Variants in IQCB1 observed in about 807,000 individuals in gnomAD.
IQCB1 encodes IQ motif containing B1.
IQCB1 carries 56 observed loss-of-function variants against 84.4 expected under a neutral mutation model. The ratio of observed to expected loss-of-function variants is 0.66; its 90% CI spans 0.54 to 0.83. The LOEUF (loss-of-function observed/expected upper bound fraction) is 0.83, where lower values mean the gene tolerates loss of function less well. IQCB1 is among the 40% of genes least tolerant of loss of function. The pLI is 0.00. For synonymous variants in IQCB1, 210 were observed against 234.8 expected (o/e 0.89, Z 0.96); for missense variants, 629 against 682.1 (o/e 0.92, Z 0.87).
chr3:121,827,135 T>C (rs1182530311), intron 4 of IQCB1, among the ~76,000 whole-genome samples: 6 of 152,040 alleles, frequency 3.9e-5, no homozygotes, highest in Non-Finnish European at 7.4e-5. Context: ...TGAAGGCCAT[T>C]AACCTAAGTG....
intron 7 of IQCB1, among the ~76,000 whole-genome samples, chr3:121,805,371 TCAAAG>T (rs71621666): frequency 0.28 from 42,047 of 151,808 alleles, 6,292 homozygotes; most frequent in Admixed American, 0.43. Context: ...AAAAGAGTCA[TCAAAG>T]CAAATATTCT....
chr3:121,812,867 T>A (rs969550216), intron 5 of IQCB1, among the ~76,000 whole-genome samples: 1 of 151,920 alleles, frequency 6.6e-6, no homozygotes, highest in Non-Finnish European at 1.5e-5. Flanking sequence ...CAGGAGAACA[T>A]CCCCAACCTA....
chr3:121,801,310 T>C (rs1201070413), intron 7 of IQCB1, among the ~76,000 whole-genome samples: 1 of 152,104 alleles, frequency 6.6e-6, no homozygotes, highest in Non-Finnish European at 1.5e-5. Flanking sequence ...GTCCTTGTTT[T>C]TCACAAATAA....
intron 2 of IQCB1, among the ~76,000 whole-genome samples, chr3:121,833,635 C>T (rs1367301085): frequency 2.0e-5 from 3 of 152,082 alleles, no homozygotes; most frequent in Non-Finnish European, 4.4e-5. Context: ...TACATGTGTA[C>T]ACACACACAG....
At position 121,795,482 on chromosome 3, in the gene IQCB1, C is replaced by G; in HGVS notation, c.961G>C (p.Val321Leu). The G allele has an allele frequency of 1.2e-6, 2 of 1,603,340 alleles. No individual in the cohort carries two copies. The highest frequency in any genetic ancestry group is 8.5e-7 in the Non-Finnish European group (1 of 1,171,732). Residue 321 changes from valine (V) to leucine (L), a missense_variant, in exon 10 of 15, where the codon GTG (valine) becomes CTG (leucine). Physicochemically the swap from Val to Leu is conservative, Grantham distance 32. Coordinates refer to ENST00000310864, the MANE Select transcript of IQCB1 (RefSeq NM_001023570.4). ...CTGAAACTCCTCTGCAAAGCAATCA[C>G]AGCAGATGGAAGCTTCTTTAATCTC... ...RKRLKKLPSA[V>L]IALQRSFRSK...
At chr3:121,772,481 C>T (rs1948038322) in intron 14 of IQCB1, 76 bp downstream of exon 14, 11 of 1,473,926 alleles carry the variant, frequency 7.5e-6, no homozygotes, top group Non-Finnish European at 1.0e-5. Context: ...TAATGGTTTC[C>T]TTCTAAAGGT....
intron 10 of IQCB1, among the ~76,000 whole-genome samples, chr3:121,793,272 A>G (rs1316073543): frequency 6.6e-6 from 1 of 152,212 alleles, no homozygotes; most frequent in African/African-American, 2.4e-5. Context: ...TTAAGAGACA[A>G]AGTTTCTGAA....
At chr3:121,825,969 A>C in intron 5 of IQCB1, 82 bp downstream of exon 5, 1 of 1,273,852 alleles carries the variant, frequency 7.9e-7, no homozygotes, top group Non-Finnish European at 1.1e-6. Flanking sequence ...CTTTCAGCCA[A>C]ATATTGCACA....
intron 5 of IQCB1, among the ~76,000 whole-genome samples, 185 bp downstream of exon 5, chr3:121,825,866 A>G (rs941671015): frequency 6.6e-5 from 10 of 152,242 alleles, no homozygotes; most frequent in Non-Finnish European, 1.0e-4. Flanking sequence ...TCAAATGGCA[A>G]GCTTCAGTCA....
intron 7 of IQCB1, among the ~76,000 whole-genome samples, chr3:121,800,449 ATC>A (rs1314736102): frequency 6.6e-6 from 1 of 151,950 alleles, no homozygotes; most frequent in African/African-American, 2.4e-5. Flanking sequence ...AAATGTAAAA[ATC>A]TCTGAGTTGA....
In IQCB1 at chr3:121,828,626, A is replaced by G. The variant is rs1576620146; in HGVS notation, c.107T>C (p.Ile36Thr). ...PVILLKLKEI[I>T]NITPLGSSEL... ...TGAGCTTCCTAAAGGTGTGATGTTT[A>G]TTATTTCTAAGGCAAAAGGAAATAA... The change falls in exon 4 of 15, where the codon ATA (isoleucine) becomes ACA (threonine). Residue 36 changes from isoleucine (I) to threonine (T), a missense_variant. Ile to Thr is a moderately conservative substitution (Grantham distance 89, BLOSUM62 -1). Transcript: ENST00000310864. 2.5e-6 allele frequency: 4 copies of G among 1,592,894 alleles called. No individual in the cohort carries two copies. Among genetic ancestry groups the G allele is most frequent in the African/African-American group, 1.3e-5 (1 of 74,560 alleles).
chr3:121,770,871 T>C (rs902839847), intron 14 of IQCB1, among the ~76,000 whole-genome samples: 1 of 152,154 alleles, frequency 6.6e-6, no homozygotes, highest in African/African-American at 2.4e-5. Context: ...GAGATCTCAC[T>C]ATGCTGCCCA....
At chr3:121,783,014 C>T (rs6438662) in intron 12 of IQCB1, among the ~76,000 whole-genome samples, 97,917 of 152,028 alleles carry the variant, frequency 0.64, 31,995 homozygotes, top group African/African-American at 0.71. Flanking sequence ...CCATGCTCAT[C>T]GGCTGCTTTT....
chr3:121,826,042 AAC>A lies in IQCB1; in HGVS notation c.393+7_393+8del. ...TGATTTAGCTACAAAAGACTAAATAAACACATACCTTAGCTGCATTGATAAAA... is the reference window on the plus strand; with the variant it reads ...TGATTTAGCTACAAAAGACTAAATAAACATACCTTAGCTGCATTGATAAAA... On this transcript the variant is annotated splice_region_variant and intron_variant, in intron 5 of 14. Coordinates refer to ENST00000310864, the MANE Select transcript of IQCB1 (RefSeq NM_001023570.4). 6.2e-7 allele frequency: 1 copy of A among 1,611,000 alleles called. No homozygotes were observed. Among genetic ancestry groups the A allele is most frequent in the Non-Finnish European group, 8.5e-7 (1 of 1,177,412 alleles).
chr3:121,834,221 AG>A (rs1172893133), intron 2 of IQCB1, 169 bp downstream of exon 2: 1 of 152,208 alleles, frequency 6.6e-6, no homozygotes, highest in African/African-American at 2.4e-5. Flanking sequence ...GCAGAAGGTG[AG>A]GGAGTGCAGT....
intron 2 of IQCB1, among the ~76,000 whole-genome samples, chr3:121,829,985 T>A (rs2108646533): frequency 6.6e-6 from 1 of 152,200 alleles, no homozygotes; most frequent in Middle Eastern, 3.4e-3. Flanking sequence ...GGTGGGTGAA[T>A]CACTTGCGGT....
intron 13 of IQCB1, among the ~76,000 whole-genome samples, chr3:121,780,883 T>A (rs4622939): frequency 0.65 from 96,107 of 148,786 alleles, 31,331 homozygotes; most frequent in East Asian, 0.85. Context: ...TGTGTGTGTG[T>A]GAGAGAGAGA....
Position 121,788,312 on chromosome 3 carries a change from T to A in IQCB1, c.1250A>T (p.Tyr417Phe), listed in dbSNP as rs777697438. The change falls in exon 12 of 15, where the codon TAT becomes TTT. Residue 417 changes from tyrosine (Y) to phenylalanine (F), a missense_variant. By Grantham distance (22) the Tyr-to-Phe change is conservative (BLOSUM62 3). Coordinates refer to ENST00000310864, the MANE Select transcript of IQCB1 (RefSeq NM_001023570.4). The stretch of plus-strand genomic sequence containing the variant: ...TCTTTGAAGTGTGACAGCTGCTTTA[T>A]ACTCTATGAGAGACTGCCTCTGTTG... ...FHQQRQSLIEYKAAVTLQRAA... is the reference protein window; with the variant it reads ...FHQQRQSLIEFKAAVTLQRAA... 5 of 1,613,932 alleles carry A rather than the reference T, an allele frequency of 3.1e-6. No individual in the cohort carries two copies. The Admixed American group carries it at 5.0e-5, about 16-fold the overall frequency.
intron 14 of IQCB1, 146 bp from the exon 15 acceptor site, chr3:121,770,720 T>C (rs1259165217): frequency 6.9e-6 from 5 of 721,780 alleles, no homozygotes; most frequent in East Asian, 5.2e-5. Flanking sequence ...TCTTGCTCTA[T>C]TGCCTAAGCT....
Sources: gnomAD v4.1 joint callset for allele counts (sites outside exome capture counted in the v4.1 genomes callset) on GRCh38, gnomAD v4.1.1 for gene constraint, MANE v1.5 for transcripts, NCBI Gene and HGNC (gene_info 2026-07-23, HGNC 2026-07-21) for gene names.